The following CLPB variants were observed in gnomAD, a reference collection of about 807,000 sequenced individuals.
CLPB encodes ClpB family mitochondrial disaggregase, also known as mitochondrial disaggregase.
A neutral mutation model predicts 78.4 loss-of-function variants in CLPB; 40 were observed. That is an observed-to-expected ratio of 0.51 (90% CI 0.40 to 0.66). The LOEUF is 0.66. Ranked by LOEUF, CLPB falls within the 30% of genes least tolerant of loss-of-function variation. The probability of loss-of-function intolerance (pLI) is 0.00; values close to 1 mark genes in which losing one functional copy is unlikely to be tolerated. For synonymous variants in CLPB, 333 were observed against 348.0 expected (o/e 0.96, Z 0.48); for missense variants, 780 against 886.9 (o/e 0.88, Z 1.53).
intron 5 of CLPB, chr11:72,332,918 A>G (rs1209398960): frequency 6.6e-6 from 1 of 152,216 alleles, no homozygotes; most frequent in Non-Finnish European, 1.5e-5. Context: ...ACATTCACAC[A>G]CAAGTCTTTG....
chr11:72,412,028 GGCCAGAATCCCCAGGCA>G (rs1048533021), intron 2 of CLPB: 1 of 152,250 alleles, frequency 6.6e-6, no homozygotes, highest in Non-Finnish European at 1.5e-5. Flanking sequence ...AGGTGCCTGG[GGCCAGAATCCCCAGGCA>G]GCCTCCATCT....
chr11:72,430,535 C>T, intron 1 of CLPB, 172 bp from the exon 2 acceptor site: 1 of 597,972 alleles, frequency 1.7e-6, no homozygotes, highest in East Asian at 2.9e-5. Context: ...ACATGGTGTC[C>T]ACTGTTAACA....
At chr11:72,431,111 G>A (rs145338660) in intron 1 of CLPB, among the ~76,000 whole-genome samples, 3 of 152,338 alleles carry the variant, frequency 2.0e-5, no homozygotes, top group Admixed American at 6.5e-5. Context: ...GAAAAGCAAC[G>A]CTAGCTAAGT....
chr11:72,301,820 G>A lies in CLPB; in HGVS notation c.1312C>T (p.Leu438=), dbSNP rs539751194. 2.5e-6 allele frequency: 4 copies of A among 1,614,138 alleles called. No homozygotes were observed. The highest frequency in any genetic ancestry group is 2.2e-5 in the East Asian group (1 of 44,886). Residue 438 remains leucine (L), a synonymous_variant, in exon 11 of 16, where the codon CTG becomes TTG. Transcript: ENST00000538039. The part of the protein sequence containing the change: ...KAHPDVLTIM[L]QLFDEGRLTD... ...TGACTCACCTCATCAAACAGCTGCA[G>A]CATGATGGTGAGCACATCTGGATGG...
chr11:72,430,249 A>T, intron 2 of CLPB, 63 bp downstream of exon 2: 2 of 1,502,956 alleles, frequency 1.3e-6, no homozygotes, highest in Non-Finnish European at 1.8e-6. Context: ...TCATCACACG[A>T]GAAGAGGCTC....
At chr11:72,297,350 G>A (rs1486537369) in intron 11 of CLPB, among the ~76,000 whole-genome samples, 1 of 152,236 alleles carries the variant, frequency 6.6e-6, no homozygotes. Flanking sequence ...CATCAACCGA[G>A]CTAGCTTACT....
intron 5 of CLPB, among the ~76,000 whole-genome samples, chr11:72,332,077 GT>G (rs1029045945): frequency 1.3e-5 from 2 of 151,790 alleles, no homozygotes; most frequent in African/African-American, 2.4e-5. Flanking sequence ...AAAAAACTAA[GT>G]TTTTTTTACA....
intron 2 of CLPB, chr11:72,410,876 G>GT (rs1359476198): frequency 6.6e-6 from 1 of 152,192 alleles, no homozygotes; most frequent in African/African-American, 2.4e-5. Flanking sequence ...TCTTTCTGCT[G>GT]TGAGTACCTC....
intron 5 of CLPB, among the ~76,000 whole-genome samples, chr11:72,348,090 A>C (rs1361610562): frequency 6.6e-6 from 1 of 152,186 alleles, no homozygotes; most frequent in Non-Finnish European, 1.5e-5. Context: ...CCAGAACTAT[A>C]AGATAAATTT....
At chr11:72,300,414 T>A (rs764399706) in intron 11 of CLPB, among the ~76,000 whole-genome samples, 5 of 152,176 alleles carry the variant, frequency 3.3e-5, no homozygotes, top group Non-Finnish European at 5.9e-5. Flanking sequence ...AGCTGTGCAC[T>A]TGAATCCCAT....
Position 72,430,293 on chromosome 11 carries a change from G to A in CLPB, c.455+19C>T, listed in dbSNP as rs1467160755. 6.2e-7 allele frequency: 1 copy of A among 1,611,414 alleles called. No individual in the cohort carries two copies. The highest frequency in any genetic ancestry group is 1.3e-5 in the African/African-American group (1 of 74,994). On this transcript the variant is annotated intron_variant, in intron 2 of 15. Coordinates refer to ENST00000538039, the MANE Select transcript of CLPB (RefSeq NM_001258392.3). ...CAGCCTCTCCTGTAGGGGAGAGCAA[G>A]GCCTGGGGTTCAACTCACCTGCTGA...
Position 72,358,908 on chromosome 11 carries a change from G to C in CLPB, c.747C>G (p.Tyr249Ter). The stretch of plus-strand genomic sequence containing the variant: ...CATCAAGCAGCTCCTTGACAGTGCG[G>C]TAGTCATCAGCAAGAACAGCATAGT... ...ALHYAVLADD[Y>*]RTVKELLDGG... The change falls in exon 5 of 16, where the codon TAC (tyrosine) becomes TAG (stop). Residue 249 changes from tyrosine (Y) to a stop codon, truncating the protein, a stop_gained. Coordinates refer to ENST00000538039, the MANE Select transcript of CLPB (RefSeq NM_001258392.3). LOFTEE classifies it high-confidence loss of function. 1 of 1,608,690 alleles carries C rather than the reference G, an allele frequency of 6.2e-7. No individual in the cohort carries two copies. Among genetic ancestry groups the C allele is most frequent in the Non-Finnish European group, 8.5e-7 (1 of 1,177,858 alleles).
At chr11:72,361,633 G>A (rs1723205681) in intron 4 of CLPB, among the ~76,000 whole-genome samples, 1 of 152,172 alleles carries the variant, frequency 6.6e-6, no homozygotes, top group African/African-American at 2.4e-5. Context: ...AAGCCCCTAA[G>A]GGCATCACTG....
intron 4 of CLPB, among the ~76,000 whole-genome samples, chr11:72,363,188 A>G (rs1233763114): frequency 7.0e-6 from 1 of 143,386 alleles, no homozygotes; most frequent in Non-Finnish European, 1.5e-5. Context: ...GAAGGAAGGA[A>G]GGGAAGGGAA....
rs566100637 is a variant in CLPB, at chr11:72,299,405, G to A, written c.1329+2398C>T. 5.9e-5 allele frequency among the ~76,000 whole-genome samples: 9 copies of A among 152,276 alleles called. No homozygotes were observed. The East Asian group carries it at 1.5e-3, about 26-fold the overall frequency. ...CTACCAGAGAAATGCAAACTTCTGT[G>A]CCTGGCATTTTAACTGGGCCCTGTT... On this transcript the variant is annotated intron_variant, in intron 11 of 15. Transcript: ENST00000538039.
At chr11:72,418,930 C>T (rs916206517) in intron 2 of CLPB, among the ~76,000 whole-genome samples, 13 of 151,452 alleles carry the variant, frequency 8.6e-5, no homozygotes, top group South Asian at 2.1e-4. Context: ...AAGGAGAGGA[C>T]GACTGATTGC....
chr11:72,433,408 C>T (rs1856604061), intron 1 of CLPB, among the ~76,000 whole-genome samples: 1 of 152,080 alleles, frequency 6.6e-6, no homozygotes, highest in African/African-American at 2.4e-5. Flanking sequence ...GGTGTGGTGG[C>T]CCGCACCTGT....
At chr11:72,308,692 C>A in intron 7 of CLPB, 88 bp from the exon 8 acceptor site, 1 of 1,198,534 alleles carries the variant, frequency 8.3e-7, no homozygotes, top group East Asian at 2.3e-5. Flanking sequence ...ACTAAGTATA[C>A]AATATGTTTT....
chr11:72,346,266 A>G (rs1332156014), intron 5 of CLPB, among the ~76,000 whole-genome samples: 5 of 152,182 alleles, frequency 3.3e-5, no homozygotes, highest in African/African-American at 1.2e-4. Flanking sequence ...TTAAAAGCAA[A>G]TATCATCCTT....
Sources: allele counts gnomAD v4.1 joint callset (sites outside exome capture counted in the v4.1 genomes callset), GRCh38; gene constraint gnomAD v4.1.1; transcripts MANE v1.5; gene names NCBI Gene and HGNC (gene_info 2026-07-23, HGNC 2026-07-21).